The following PKIG variants were observed in gnomAD, a reference collection of about 807,000 sequenced individuals.
PKIG encodes protein kinase (cAMP-dependent, catalytic) inhibitor gamma.
A neutral mutation model predicts 6.8 loss-of-function variants in PKIG; 1 was observed. That is an observed-to-expected ratio of 0.15 (90% confidence interval 0.05 to 0.69). The LOEUF (loss-of-function observed/expected upper bound fraction) is 0.69, where lower values mean the gene tolerates loss of function less well. PKIG is among the 30% of genes least tolerant of loss of function. The pLI is 0.82. For synonymous variants in PKIG, 39 were observed against 43.0 expected (o/e 0.91, Z 0.36); for missense variants, 77 against 104.0 (o/e 0.74, Z 1.13).
At chr20:44,550,940 C>A (rs1348036877) in intron 1 of PKIG, among the ~76,000 whole-genome samples, 1 of 152,166 alleles carries the variant, frequency 6.6e-6, no homozygotes, top group Non-Finnish European at 1.5e-5. Context: ...CTAGCCCAAA[C>A]AATTGTTAAC....
At chr20:44,535,484 T>TA (rs2064504256) in intron 1 of PKIG, among the ~76,000 whole-genome samples, 1 of 152,232 alleles carries the variant, frequency 6.6e-6, no homozygotes, top group East Asian at 1.9e-4. Context: ...CTGCTAAAAA[T>TA]ACAAAAATTA....
Position 44,614,750 on chromosome 20 carries a change from C to G in PKIG, c.151+43C>G, listed in dbSNP as rs367996211. 10 of 1,606,450 alleles carry G rather than the reference C, an allele frequency of 6.2e-6. No individual in the cohort carries two copies. In the Admixed American group the frequency reaches 1.7e-4, roughly 27 times the overall value. On this transcript the variant is annotated intron_variant, in intron 3 of 3. Transcript: ENST00000372886. This position sits in a 1 kb window ranked among gnomAD's most constrained non-coding sequence, Gnocchi z 4.6. ...CTTGGCACTACTGCATGCCAGAGGCCCTCTGCCGGGCCCCGGGCTAGCCTC... is the reference window on the plus strand; with the variant it reads ...CTTGGCACTACTGCATGCCAGAGGCGCTCTGCCGGGCCCCGGGCTAGCCTC...
At chr20:44,569,580 AT>A (rs1015976099) in intron 1 of PKIG, among the ~76,000 whole-genome samples, 2 of 151,658 alleles carry the variant, frequency 1.3e-5, no homozygotes, top group Non-Finnish European at 2.9e-5. Context: ...TGTAATTTTT[AT>A]TTTTTTTGTT....
chr20:44,545,518 A>C (rs889695335), intron 1 of PKIG, among the ~76,000 whole-genome samples: 2 of 152,148 alleles, frequency 1.3e-5, no homozygotes, highest in African/African-American at 4.8e-5. Flanking sequence ...TTGAAGAAAA[A>C]AATTATAAAA....
chr20:44,556,508 G>A (rs868467496), intron 1 of PKIG, among the ~76,000 whole-genome samples: 6 of 151,950 alleles, frequency 3.9e-5, no homozygotes, highest in Non-Finnish European at 7.4e-5. Flanking sequence ...GATTACAAGC[G>A]TGTGCCACCA....
intron 3 of PKIG, among the ~76,000 whole-genome samples, chr20:44,615,557 A>T (rs1378886038): frequency 2.1e-5 from 3 of 145,524 alleles, no homozygotes; most frequent in Non-Finnish European, 4.5e-5. Flanking sequence ...TCAAGTCCAC[A>T]GTCAGCCTGG....
chr20:44,604,237 G>T (rs1264568290), intron 2 of PKIG, among the ~76,000 whole-genome samples: 1 of 152,242 alleles, frequency 6.6e-6, no homozygotes, highest in Admixed American at 6.5e-5. Flanking sequence ...AAGAGAGGAA[G>T]AAGTCAGGCA....
At chr20:44,548,879 C>CAA (rs1304831991) in intron 1 of PKIG, among the ~76,000 whole-genome samples, 1 of 143,366 alleles carries the variant, frequency 7.0e-6, no homozygotes, top group African/African-American at 2.8e-5. Context: ...CACACACACA[C>CAA]ACACACACAC....
chr20:44,616,595 G>T (rs1359291344), intron 3 of PKIG, among the ~76,000 whole-genome samples: 1 of 152,178 alleles, frequency 6.6e-6, no homozygotes, highest in Non-Finnish European at 1.5e-5. Flanking sequence ...TAAAGTATGG[G>T]TCCTCTGGCT....
upstream of PKIG, among the ~76,000 whole-genome samples, chr20:44,579,801 A>G (rs2064931970): frequency 6.6e-6 from 1 of 152,208 alleles, no homozygotes; most frequent in African/African-American, 2.4e-5. Context: ...GTTTTTATGA[A>G]TGGGCTCCTT....
chr20:44,583,822 C>G (rs2123352286), intron 1 of PKIG, among the ~76,000 whole-genome samples: 1 of 152,220 alleles, frequency 6.6e-6, no homozygotes, highest in South Asian at 2.1e-4. Context: ...GCTTTAGGAG[C>G]AAAGGACCCT....
At chr20:44,558,574 T>TTTCTTTCTTTCTTTCTTTCTTTC (rs2064736616) in intron 1 of PKIG, among the ~76,000 whole-genome samples, 40 of 131,898 alleles carry the variant, frequency 3.0e-4, no homozygotes, top group Non-Finnish European at 5.8e-4. Flanking sequence ...TTTTTTTCTT[T>TTTCTTTCTTTCTTTCTTTCTTTC]TTTCTTTCTT....
chr20:44,546,358 A>T (rs1038816542), intron 1 of PKIG, among the ~76,000 whole-genome samples: 16 of 152,288 alleles, frequency 1.1e-4, no homozygotes, highest in African/African-American at 3.4e-4. Context: ...TGTATTTTTT[A>T]AAAAATGAGT....
intron 1 of PKIG, among the ~76,000 whole-genome samples, chr20:44,553,537 A>G (rs1380561829): frequency 6.6e-6 from 1 of 152,190 alleles, no homozygotes; most frequent in Admixed American, 6.5e-5. Context: ...ACATTAGATC[A>G]GCAAAATGGT....
intron 1 of PKIG, among the ~76,000 whole-genome samples, chr20:44,565,438 T>C (rs1223528115): frequency 6.6e-6 from 1 of 152,210 alleles, no homozygotes; most frequent in Non-Finnish European, 1.5e-5. Flanking sequence ...TGCTTGGATG[T>C]TACACAGATG....
chr20:44,567,331 T>C (rs2064818709), intron 1 of PKIG, among the ~76,000 whole-genome samples: 1 of 152,216 alleles, frequency 6.6e-6, no homozygotes, highest in South Asian at 2.1e-4. Flanking sequence ...GTCTCTGTGA[T>C]TGTCTCACCA....
chr20:44,595,025 A>G (rs2065063428), intron 2 of PKIG, among the ~76,000 whole-genome samples: 1 of 152,238 alleles, frequency 6.6e-6, no homozygotes. Context: ...AGGATGCAGC[A>G]GTCGGCTCCC....
upstream of PKIG, among the ~76,000 whole-genome samples, chr20:44,577,989 TA>T (rs1485794275): frequency 6.6e-6 from 1 of 152,128 alleles, no homozygotes; most frequent in Non-Finnish European, 1.5e-5. Context: ...CTCCCTGCTG[TA>T]ATGAGTGAGT....
chr20:44,615,260 C>T (rs1220722864), intron 3 of PKIG, among the ~76,000 whole-genome samples: 1 of 152,240 alleles, frequency 6.6e-6, no homozygotes, highest in East Asian at 1.9e-4. Context: ...CTCCCTGACA[C>T]CCTCCAGCTA....
Sources: gnomAD v4.1 joint callset for allele counts (sites outside exome capture counted in the v4.1 genomes callset) on GRCh38, gnomAD v4.1.1 for gene constraint, Gnocchi (gnomAD v3.1) non-coding constraint, MANE v1.5 for transcripts, NCBI Gene and HGNC (gene_info 2026-07-23, HGNC 2026-07-21) for gene names.